COBLL1: variants seen among roughly 807,000 people sequenced by gnomAD.
COBLL1 encodes the protein cordon-bleu protein-like 1.
Under a neutral mutation model 94.8 loss-of-function variants are expected in COBLL1, and 50 were observed. The observed-to-expected ratio is 0.53, with a 90% CI of 0.42 to 0.67. The LOEUF is 0.67. COBLL1 is among the 30% of genes least tolerant of loss of function. COBLL1 has a pLI of 0.00. For synonymous variants in COBLL1, 448 were observed against 473.8 expected, an observed-to-expected ratio of 0.95 and a Z score of 0.71; for missense variants, 1,362 against 1,348.7, an observed-to-expected ratio of 1.01 and a Z score of -0.15.
chr2:164,714,154 A>AACACACACAC (rs10563101), intron 7 of COBLL1, among the ~76,000 whole-genome samples: 11 of 148,476 alleles, frequency 7.4e-5, no homozygotes, highest in African/African-American at 2.7e-4. Flanking sequence ...AATAGAAAGA[A>AACACACACAC]ACACACACAC....
intron 7 of COBLL1, among the ~76,000 whole-genome samples, chr2:164,713,099 A>G (rs1684987793): frequency 6.6e-6 from 1 of 152,086 alleles, no homozygotes; most frequent in South Asian, 2.1e-4. Flanking sequence ...TCCCTGTGCT[A>G]CATCCTTTTC....
At chr2:164,706,483 C>T (rs1293859184) in intron 7 of COBLL1, among the ~76,000 whole-genome samples, 1 of 152,170 alleles carries the variant, frequency 6.6e-6, no homozygotes, top group Non-Finnish European at 1.5e-5. Flanking sequence ...AATTCCAAAT[C>T]CACGTCTCTA....
upstream of COBLL1, chr2:164,842,049 G>A: frequency 2.0e-6 from 3 of 1,530,650 alleles, no homozygotes; most frequent in South Asian, 1.2e-5. Context: ...CGGCATTGGA[G>A]CGAGGGAAGC....
At chr2:164,691,365 A>G (rs1390911096) in intron 13 of COBLL1, among the ~76,000 whole-genome samples, 1 of 152,188 alleles carries the variant, frequency 6.6e-6, no homozygotes, top group Non-Finnish European at 1.5e-5. Flanking sequence ...TATTCTCTAA[A>G]TGGCTTTTAA....
At chr2:164,813,349 C>G (rs1447505159) in intron 2 of COBLL1, among the ~76,000 whole-genome samples, 1 of 152,012 alleles carries the variant, frequency 6.6e-6, no homozygotes, top group Non-Finnish European at 1.5e-5. Context: ...CAGGGGTAAC[C>G]AATGGTACAA....
intron 2 of COBLL1, among the ~76,000 whole-genome samples, chr2:164,836,405 A>T (rs1368056031): frequency 1.3e-5 from 2 of 152,206 alleles, no homozygotes; most frequent in Non-Finnish European, 2.9e-5. Context: ...AAAAAGAATC[A>T]AGATAATGCT....
rs146790820 is a variant in COBLL1, at chr2:164,673,446, A to G, written n.127-7545T>C. Among the ~76,000 whole-genome samples, 1,474 of 152,234 alleles carry G rather than the reference A, an allele frequency of 9.7e-3. 12 individuals carry two copies. The highest frequency in any genetic ancestry group is 0.027 in the African/African-American group (1,121 of 41,558). On this transcript the variant is annotated intron_variant and non_coding_transcript_variant, in intron 1 of 2. Transcript: ENST00000495084. Reference sequence around the variant, plus strand: ...TCCCAGCACTTTGGGAGGCTGAGGCAGGCACATCACTTGAGATCAGGAGCT... The same window carrying G: ...TCCCAGCACTTTGGGAGGCTGAGGCGGGCACATCACTTGAGATCAGGAGCT...
intron 2 of COBLL1, among the ~76,000 whole-genome samples, chr2:164,791,682 T>G (rs1052486396): frequency 6.6e-6 from 1 of 152,192 alleles, no homozygotes; most frequent in East Asian, 1.9e-4. Context: ...CCATGTGTAG[T>G]GCTGTCTTTG....
chr2:164,781,811 A>G (rs1574577523), intron 2 of COBLL1, among the ~76,000 whole-genome samples: 1 of 152,180 alleles, frequency 6.6e-6, no homozygotes, highest in Admixed American at 6.5e-5. Flanking sequence ...GAAACCACAT[A>G]CACAGAGAAA....
intron 2 of COBLL1, among the ~76,000 whole-genome samples, chr2:164,785,495 TAA>T (rs1688913334): frequency 6.6e-6 from 1 of 152,174 alleles, no homozygotes; most frequent in Non-Finnish European, 1.5e-5. Flanking sequence ...GTCAAAGATT[TAA>T]AGAGTTCTGT....
At chr2:164,753,961 A>G (rs377155292) in intron 2 of COBLL1, among the ~76,000 whole-genome samples, 45 of 151,998 alleles carry the variant, frequency 3.0e-4, no homozygotes, top group African/African-American at 9.2e-4. Context: ...ATGAACTCCT[A>G]TCCTCAAATG....
At chr2:164,738,999 T>C (rs1162239058) in intron 3 of COBLL1, among the ~76,000 whole-genome samples, 1 of 152,172 alleles carries the variant, frequency 6.6e-6, no homozygotes, top group Non-Finnish European at 1.5e-5. Flanking sequence ...ATAAATTAAA[T>C]ATTTTAATTC....
rs1176644823 is a variant in COBLL1, at chr2:164,665,358, G to C, written n.181+489C>G. ...AAAAAAAAAGAAAGAAAGAAAGAAA[G>C]AAAGAAAGAATGAATAGCTACTGAA... On this transcript the variant is annotated intron_variant and non_coding_transcript_variant, in intron 2 of 2. Transcript: ENST00000495084. 1.6e-4 allele frequency among the ~76,000 whole-genome samples: 23 copies of C among 144,094 alleles called. 1 individual carries two copies. The highest frequency in any genetic ancestry group is 4.2e-4 in the Admixed American group (6 of 14,266). 94.5% of individuals were successfully genotyped at this position (144,094 alleles called of 152,430 possible).
At position 164,694,379 on chromosome 2, in the gene COBLL1, C is replaced by T. The variant is rs1415298824; in HGVS notation, c.3013G>A (p.Glu1005Lys). Residue 1005 changes from glutamate (E) to lysine (K), a missense_variant, in exon 12 of 14, where the codon GAG (glutamate) becomes AAG (lysine). Coordinates refer to ENST00000652658, the MANE Select transcript of COBLL1 (RefSeq NM_001365672.2). Reference protein sequence around the residue: ...RSQSFSKERTESPSASALVQP... With the variant: ...RSQSFSKERTKSPSASALVQP... The stretch of plus-strand genomic sequence containing the variant: ...ACCAATGCACTGGCACTAGGTGACT[C>T]GGTGCGCTCTTTACTGAAAGACTGT... 29 of 1,613,860 alleles carry T rather than the reference C, an allele frequency of 1.8e-5. No individual in the cohort carries two copies. The South Asian group carries it at 2.1e-4, about 12-fold the overall frequency.
intron 2 of COBLL1, among the ~76,000 whole-genome samples, chr2:164,802,009 G>C (rs1335504000): frequency 6.6e-6 from 1 of 152,132 alleles, no homozygotes; most frequent in Non-Finnish European, 1.5e-5. Context: ...AGCTGCATTT[G>C]AAGTAAATAT....
chr2:164,836,348 T>G (rs1300232448), intron 2 of COBLL1, among the ~76,000 whole-genome samples: 2 of 152,200 alleles, frequency 1.3e-5, no homozygotes, highest in African/African-American at 2.4e-5. Flanking sequence ...ACATTTTATA[T>G]GCATTGAAAT....
At chr2:164,764,873 G>A (rs1574545602) in intron 2 of COBLL1, among the ~76,000 whole-genome samples, 1 of 152,116 alleles carries the variant, frequency 6.6e-6, no homozygotes, top group Non-Finnish European at 1.5e-5. Context: ...ACATCTCTTA[G>A]TACCCTGAAA....
intron 9 of COBLL1, among the ~76,000 whole-genome samples, chr2:164,702,575 A>AAAAAAAAAT (rs1553469790): frequency 4.3e-4 from 58 of 135,038 alleles, no homozygotes; most frequent in East Asian, 2.2e-3. Flanking sequence ...AAAAAAAAAA[A>AAAAAAAAAT]AATAATAATA....
intron 8 of COBLL1, 102 bp from the exon 9 acceptor site, chr2:164,704,620 G>T: frequency 1.0e-6 from 1 of 963,348 alleles, no homozygotes; most frequent in Non-Finnish European, 1.6e-6. Context: ...AGTAAGCCTT[G>T]CTAGAAGCCA....
Sources: allele counts gnomAD v4.1 joint callset (sites outside exome capture counted in the v4.1 genomes callset), GRCh38; gene constraint gnomAD v4.1.1; transcripts MANE v1.5; gene names NCBI Gene and HGNC (gene_info 2026-07-23, HGNC 2026-07-21).